SIK2: variants seen among roughly 807,000 people sequenced by gnomAD.
The protein encoded by SIK2 is serine/threonine-protein kinase SIK2.
In SIK2, 29 loss-of-function variants were observed where a neutral mutation model predicts 103.2. The observed-to-expected ratio is 0.28, with a 90% CI of 0.21 to 0.38. The LOEUF (loss-of-function observed/expected upper bound fraction) is 0.38, where lower values mean the gene tolerates loss of function less well. SIK2 is among the 10% of genes least tolerant of loss of function. The pLI is 1.00. For missense variants in SIK2, 879 were observed against 1,171.0 expected, an observed-to-expected ratio of 0.75 and a Z score of 3.64; for synonymous variants, 412 against 446.1, an observed-to-expected ratio of 0.92 and a Z score of 0.96.
intron 1 of SIK2, among the ~76,000 whole-genome samples, chr11:111,612,415 T>C (rs562815540): frequency 6.6e-6 from 1 of 152,384 alleles, no homozygotes; most frequent in East Asian, 1.9e-4. Flanking sequence ...GTTAAGAAAT[T>C]ACTTGGATGA....
At chr11:111,671,955 G>A in intron 3 of SIK2, 2 of 497,556 alleles carry the variant, frequency 4.0e-6, no homozygotes, top group South Asian at 3.0e-5. Flanking sequence ...GGGTGTTGAT[G>A]TGGCTCTCGA....
At position 111,716,449 on chromosome 11, in the gene SIK2, T is replaced by C. The variant is rs184928329; in HGVS notation, c.1267-3326T>C. Among the ~76,000 whole-genome samples, 1,134 of 152,148 alleles carry C rather than the reference T, an allele frequency of 7.5e-3. 8 individuals carry two copies. Among genetic ancestry groups the C allele is most frequent in the Middle Eastern group, 0.061 (18 of 294 alleles). ...AAAATTAGCCAGGCATGGTGGTGCGTGCCTGTAATCCCAGCTACTGAGGAG... is the reference window on the plus strand; with the variant it reads ...AAAATTAGCCAGGCATGGTGGTGCGCGCCTGTAATCCCAGCTACTGAGGAG... On this transcript the variant is annotated intron_variant, in intron 9 of 14. Transcript: ENST00000304987.
chr11:111,723,487 C>A lies in SIK2; in HGVS notation c.2148-9C>A. The A allele has an allele frequency of 6.3e-7, 1 of 1,581,474 alleles. No homozygotes were observed. Among genetic ancestry groups the A allele is most frequent in the East Asian group, 2.3e-5 (1 of 44,386 alleles). On this transcript the variant is annotated splice_polypyrimidine_tract_variant and intron_variant, in intron 14 of 14. Transcript: ENST00000304987. Reference sequence around the variant, plus strand: ...TTTAAAATTCTTTCCTTTGATATTACCAATTTAGGCTCCAGCAGAAGCGAC... The same window carrying A: ...TTTAAAATTCTTTCCTTTGATATTAACAATTTAGGCTCCAGCAGAAGCGAC...
intron 4 of SIK2, among the ~76,000 whole-genome samples, chr11:111,695,018 C>T (rs1459117615): frequency 4.6e-5 from 7 of 152,294 alleles, no homozygotes; most frequent in African/African-American, 9.6e-5. Flanking sequence ...CTGACCTTTT[C>T]GTGCTGGTGG....
intron 3 of SIK2, among the ~76,000 whole-genome samples, chr11:111,659,883 C>A (rs875258): frequency 0.61 from 92,072 of 152,074 alleles, 31,140 homozygotes; most frequent in East Asian, 0.96. Context: ...GAGACGCAAC[C>A]GTGTCAAGGA....
Position 111,727,089 on chromosome 11 carries a change from G to A in SIK2, c.*2960G>A. The stretch of plus-strand genomic sequence containing the variant: ...GGCAAACAGCATGTTAGCCCGACAG[G>A]AAGAGGGGGCCCACTTTCACATTCC... On this transcript the variant is annotated 3_prime_UTR_variant, in exon 15 of 15. Coordinates refer to ENST00000304987, the MANE Select transcript of SIK2 (RefSeq NM_015191.3). The A allele has an allele frequency of 6.3e-7, 1 of 1,590,126 alleles. No individual in the cohort carries two copies. Among genetic ancestry groups the A allele is most frequent in the East Asian group, 2.2e-5 (1 of 44,732 alleles).
At chr11:111,608,741 A>G (rs1941680196) in intron 1 of SIK2, among the ~76,000 whole-genome samples, 1 of 152,188 alleles carries the variant, frequency 6.6e-6, no homozygotes, top group African/African-American at 2.4e-5. Context: ...TTTCTAAAAT[A>G]ATGTTTCAGA....
At chr11:111,712,405 G>A (rs1943525353) in intron 9 of SIK2, 30 bp downstream of exon 9, 4 of 1,594,258 alleles carry the variant, frequency 2.5e-6, no homozygotes, top group Non-Finnish European at 3.4e-6. Flanking sequence ...TCTCAGAACT[G>A]GCAGTTTGGC....
Position 111,726,937 on chromosome 11 carries a change from T to TTTATG in SIK2, c.*2811_*2815dup. ...GTGCAATATGTGTGGTACTTTATTT[T>TTTATG]TTATGTTCTTTTTTTAAATCTGGGG... On this transcript the variant is annotated 3_prime_UTR_variant, in exon 15 of 15. Coordinates refer to ENST00000304987, the MANE Select transcript of SIK2 (RefSeq NM_015191.3). 1 of 1,606,902 alleles carries TTTATG rather than the reference T, an allele frequency of 6.2e-7. No homozygotes were observed. The highest frequency in any genetic ancestry group is 8.5e-7 in the Non-Finnish European group (1 of 1,173,630).
At chr11:111,667,693 A>G (rs994242805) in intron 3 of SIK2, among the ~76,000 whole-genome samples, 2 of 151,894 alleles carry the variant, frequency 1.3e-5, no homozygotes, top group Non-Finnish European at 2.9e-5. Flanking sequence ...AGGTTTCACC[A>G]TGTTGGCCAG....
At position 111,658,090 on chromosome 11, in the gene SIK2, TTTTATTTATTTATTTATTTA is replaced by T. The variant is rs199738502; in HGVS notation, c.317-29879_317-29860del. On this transcript the variant is annotated intron_variant, in intron 3 of 14. Transcript: ENST00000304987. The stretch of plus-strand genomic sequence containing the variant: ...TTACTTATTTATTTTTTCATTTTTA[TTTTATTTATTTATTTATTTA>T]TTTATTTATTTATTTATTTATTTAT... Among the ~76,000 whole-genome samples the T allele has an allele frequency of 9.4e-3, 1,269 of 135,580 alleles. 10 individuals are homozygous for T. Among genetic ancestry groups the T allele is most frequent in the African/African-American group, 0.026 (948 of 36,486 alleles). 88.9% of individuals were successfully genotyped at this position (135,580 alleles called of 152,430 possible).
intron 3 of SIK2, among the ~76,000 whole-genome samples, chr11:111,629,814 A>G (rs904536709): frequency 2.6e-5 from 4 of 152,202 alleles, no homozygotes; most frequent in African/African-American, 9.7e-5. Context: ...AAAAACTGAC[A>G]ACAATAAATT....
At chr11:111,721,129 G>A in intron 12 of SIK2, 67 bp downstream of exon 12, 1 of 1,509,822 alleles carries the variant, frequency 6.6e-7, no homozygotes, top group Non-Finnish European at 8.9e-7. Flanking sequence ...CCTGAAGATG[G>A]TCATTTTCAC....
chr11:111,692,931 G>A (rs915901534), intron 4 of SIK2, among the ~76,000 whole-genome samples: 5 of 151,620 alleles, frequency 3.3e-5, no homozygotes, highest in African/African-American at 9.7e-5. Flanking sequence ...AAATATTTTT[G>A]TGTTTATAAA....
chr11:111,640,973 G>A (rs1231140005), intron 3 of SIK2, among the ~76,000 whole-genome samples: 1 of 151,846 alleles, frequency 6.6e-6, no homozygotes, highest in Non-Finnish European at 1.5e-5. Context: ...AGTATTTGTA[G>A]GCATAAAGTT....
chr11:111,640,370 C>T (rs1460205092), intron 3 of SIK2, among the ~76,000 whole-genome samples: 1 of 152,146 alleles, frequency 6.6e-6, no homozygotes, highest in Admixed American at 6.5e-5. Flanking sequence ...TCTCTTTTGC[C>T]CTGCCTATGC....
At chr11:111,693,149 TG>T (rs1189000089) in intron 4 of SIK2, among the ~76,000 whole-genome samples, 1 of 152,030 alleles carries the variant, frequency 6.6e-6, no homozygotes, top group African/African-American at 2.4e-5. Context: ...CTGGCCAACA[TG>T]GTGAAACCCC....
chr11:111,673,073 G>A lies in SIK2; in HGVS notation c.317-14928G>A, dbSNP rs371860727. Among the ~76,000 whole-genome samples, 18 of 152,240 alleles carry A rather than the reference G, an allele frequency of 1.2e-4. No individual in the cohort carries two copies. In the East Asian group the frequency reaches 2.5e-3, roughly 21 times the overall value. ...TCAAGACTAACCACTTAAACCACCT[G>A]GAGACATCATTAAATGTAAATATTG... On this transcript the variant is annotated intron_variant, in intron 3 of 14. Transcript: ENST00000304987.
chr11:111,636,061 A>C (rs911313392), intron 3 of SIK2, among the ~76,000 whole-genome samples: 17 of 152,254 alleles, frequency 1.1e-4, no homozygotes, highest in Non-Finnish European at 1.8e-4. Flanking sequence ...AGATTAAATT[A>C]ATTCAGAAAA....
Sources: allele counts gnomAD v4.1 joint callset (sites outside exome capture counted in the v4.1 genomes callset), GRCh38; gene constraint gnomAD v4.1.1; transcripts MANE v1.5; gene names NCBI Gene and HGNC (gene_info 2026-07-23, HGNC 2026-07-21).